Variants in KLF12 observed in about 807,000 individuals in gnomAD.
KLF12 encodes Krueppel-like factor 12.
In KLF12, 9 loss-of-function variants were observed where a neutral mutation model predicts 37.8. The observed-to-expected ratio is 0.24, with a 90% CI of 0.14 to 0.42. KLF12 has a LOEUF of 0.42. Ranked by LOEUF, KLF12 falls within the 10% of genes least tolerant of loss-of-function variation. The pLI is 1.00. For synonymous variants in KLF12, 208 were observed against 202.1 expected (o/e 1.03, Z -0.25); for missense variants, 411 against 516.0 (o/e 0.80, Z 1.97).
chr13:74,179,460 C>T, the KLF12 span, among the ~76,000 whole-genome samples: 1 of 152,250 alleles, frequency 6.6e-6, no homozygotes, highest in Admixed American at 6.5e-5. Context: ...TGCCATCCAC[C>T]TTTTAGTATT....
chr13:74,251,859 C>T, the KLF12 span, among the ~76,000 whole-genome samples: 3 of 152,194 alleles, frequency 2.0e-5, no homozygotes, highest in Non-Finnish European at 4.4e-5. Context: ...GTCCTCCAGG[C>T]TGCATGACTT....
intron 4 of KLF12, 148 bp from the exon 5 acceptor site, chr13:73,813,435 T>G (rs1393254657): frequency 1.2e-6 from 1 of 864,168 alleles, no homozygotes; most frequent in South Asian, 1.8e-5. Context: ...GCTCCAGGTT[T>G]TATGTTCTGA....
rs1397906760 is a variant in KLF12, at chr13:73,697,436, T to G, written c.1028-1765A>C. On this transcript the variant is annotated intron_variant, in intron 7 of 7. Coordinates refer to ENST00000377669, the MANE Select transcript of KLF12 (RefSeq NM_007249.5). ...ACCTCAACTTCTGATTCACTGTGGT[T>G]GTCCCATGGAGACAAAACTGCATTT... Among the ~76,000 whole-genome samples the G allele has an allele frequency of 1.3e-5, 2 of 152,214 alleles. 1 individual carries two copies. Among genetic ancestry groups the G allele is most frequent in the African/African-American group, 4.8e-5 (2 of 41,454 alleles).
intron 1 of KLF12, among the ~76,000 whole-genome samples, chr13:74,132,347 G>T (rs1043594941): frequency 6.6e-6 from 1 of 152,152 alleles, no homozygotes; most frequent in Non-Finnish European, 1.5e-5. Context: ...GCAGAATGAC[G>T]TGTATTTGAT....
the KLF12 span, among the ~76,000 whole-genome samples, chr13:74,203,282 T>C: frequency 2.6e-5 from 4 of 152,044 alleles, no homozygotes. Flanking sequence ...ATTGCAGATC[T>C]CAATCTGTTG....
At chr13:73,998,394 A>G (rs567615612) in intron 1 of KLF12, among the ~76,000 whole-genome samples, 1 of 152,310 alleles carries the variant, frequency 6.6e-6, no homozygotes, top group Admixed American at 6.5e-5. Flanking sequence ...AGAGAAACAC[A>G]CTAGACATCT....
chr13:73,888,135 T>C (rs1355562424), intron 3 of KLF12, among the ~76,000 whole-genome samples: 1 of 152,198 alleles, frequency 6.6e-6, no homozygotes. Context: ...CCCAAGTAGC[T>C]GGGACCACAG....
chr13:73,714,293 G>A (rs761310494), intron 7 of KLF12, among the ~76,000 whole-genome samples: 17 of 152,076 alleles, frequency 1.1e-4, no homozygotes, highest in Non-Finnish European at 2.1e-4. Flanking sequence ...AGTAGGAAAG[G>A]GAAAAGAACA....
chr13:73,692,470 G>C lies in KLF12; in HGVS notation c.*3020C>G, dbSNP rs1414964539. On this transcript the variant is annotated 3_prime_UTR_variant, in exon 8 of 8. Transcript: ENST00000377669. ...CATATCCCCAGCTGCAAACTGAACA[G>C]CTTCAAATTTAAAATCAAAGAATGC... 2 of 152,606 alleles carry C rather than the reference G, an allele frequency of 1.3e-5. No individual in the cohort carries two copies. Among genetic ancestry groups the C allele is most frequent in the African/African-American group, 4.8e-5 (2 of 41,436 alleles). 9.5% of individuals were successfully genotyped at this position (152,606 alleles called of 1,614,324 possible).
chr13:74,193,577 A>G, the KLF12 span, among the ~76,000 whole-genome samples: 1 of 152,224 alleles, frequency 6.6e-6, no homozygotes, highest in African/African-American at 2.4e-5. Context: ...GTTTAAGTCA[A>G]CAAGGATCAT....
At chr13:73,729,580 C>T (rs1047428582) in intron 6 of KLF12, among the ~76,000 whole-genome samples, 2 of 152,188 alleles carry the variant, frequency 1.3e-5, no homozygotes, top group African/African-American at 4.8e-5. Context: ...CCTCTTCCTA[C>T]ATTTCATCTT....
the KLF12 span, among the ~76,000 whole-genome samples, chr13:74,271,604 T>C: frequency 5.9e-5 from 9 of 152,220 alleles, no homozygotes; most frequent in Non-Finnish European, 1.2e-4. Context: ...TCCTAAAATA[T>C]ATTTGTTTAT....
At chr13:73,911,641 T>C (rs928863115) in intron 3 of KLF12, among the ~76,000 whole-genome samples, 2 of 152,144 alleles carry the variant, frequency 1.3e-5, no homozygotes, top group Admixed American at 1.3e-4. Flanking sequence ...AACTTGAGAG[T>C]ATTTATTTCC....
rs1337763088 is a variant in KLF12 at position 73,772,873 on chromosome 13, C to T, written c.807-7873G>A. Among the ~76,000 whole-genome samples, 17 of 142,452 alleles carry T rather than the reference C, an allele frequency of 1.2e-4. 1 individual carries two copies. Among genetic ancestry groups the T allele is most frequent in the Admixed American group, 7.0e-4 (10 of 14,296 alleles). 93.5% of individuals were successfully genotyped at this position (142,452 alleles called of 152,430 possible). On this transcript the variant is annotated intron_variant, in intron 5 of 7. Transcript: ENST00000377669. ...ATTCAGATGGACACAGCAGGAATGA[C>T]GGTGGGTCGAGGGAGGAGTGAGAAG...
intron 6 of KLF12, among the ~76,000 whole-genome samples, chr13:73,735,955 TTC>T (rs1379554294): frequency 4.2e-5 from 4 of 95,654 alleles, no homozygotes; most frequent in African/African-American, 7.8e-5. Context: ...TTCTTTCTTT[TTC>T]TTTTTTTTTT....
chr13:74,285,389 G>A, the KLF12 span, among the ~76,000 whole-genome samples: 1 of 152,136 alleles, frequency 6.6e-6, no homozygotes, highest in Admixed American at 6.6e-5. Context: ...TAGGCCTGTA[G>A]ACATCAATAC....
Position 74,022,535 on chromosome 13 carries a change from T to G in KLF12, c.-31-27482A>C, listed in dbSNP as rs528595987. Among the ~76,000 whole-genome samples the G allele has an allele frequency of 5.7e-4, 79 of 139,556 alleles. 1 individual carries two copies. The highest frequency in any genetic ancestry group is 2.1e-3 in the African/African-American group (73 of 34,438). The allele number at this position is 139,556 out of a possible 152,430, so 91.6% of individuals were successfully genotyped here. A position where few individuals can be genotyped will look rare whatever the true frequency, so the allele number is the denominator to read the frequency against. ...ATGGCATTTTTCAAATTTTTTCCTC[T>G]CACTGGGTATCCCCTCACATCTATA... On this transcript the variant is annotated intron_variant, in intron 1 of 7. Coordinates refer to ENST00000377669, the MANE Select transcript of KLF12 (RefSeq NM_007249.5).
chr13:73,890,432 T>C (rs1395273921), intron 3 of KLF12, among the ~76,000 whole-genome samples: 1 of 152,154 alleles, frequency 6.6e-6, no homozygotes, highest in Non-Finnish European at 1.5e-5. Flanking sequence ...ATCCTTTTTA[T>C]CTCACTGTTA....
chr13:74,257,964 T>C, the KLF12 span: 1 of 152,158 alleles, frequency 6.6e-6, no homozygotes, highest in Non-Finnish European at 1.5e-5. Context: ...TAGATAAATA[T>C]CTTCTCATTA....
Sources: gnomAD v4.1 joint callset for allele counts (sites outside exome capture counted in the v4.1 genomes callset) on GRCh38, gnomAD v4.1.1 for gene constraint, MANE v1.5 for transcripts, NCBI Gene and HGNC (gene_info 2026-07-23, HGNC 2026-07-21) for gene names.